CAPN11: variants seen among roughly 807,000 people sequenced by gnomAD.
The protein encoded by CAPN11 is calpain 11.
Under a neutral mutation model 105.3 loss-of-function variants are expected in CAPN11, and 108 were observed. The ratio of observed to expected loss-of-function variants is 1.03; its 90% confidence interval spans 0.88 to 1.20. CAPN11 has a LOEUF of 1.20. Among genes scored for constraint, CAPN11 ranks in the 50% most tolerant of loss-of-function variants. CAPN11 has a pLI of 0.00. For synonymous variants in CAPN11, 329 were observed against 344.5 expected, an observed-to-expected ratio of 0.96 and a Z score of 0.50; for missense variants, 883 against 924.8, an observed-to-expected ratio of 0.95 and a Z score of 0.59.
chr6:44,169,176 C>T, intron 2 of CAPN11, 105 bp from the exon 3 acceptor site: 2 of 1,260,654 alleles, frequency 1.6e-6, no homozygotes, highest in Non-Finnish European at 2.2e-6. Flanking sequence ...TGAAGAGATC[C>T]TCCCACCTCA....
chr6:44,161,771 T>C (rs887931988), intron 1 of CAPN11: 13 of 456,088 alleles, frequency 2.9e-5, no homozygotes, highest in Non-Finnish European at 1.8e-5. Flanking sequence ...AACAACAGCA[T>C]CTTCCCTGGT....
chr6:44,172,966 C>T lies in CAPN11; in HGVS notation c.555C>T (p.Asn185=), dbSNP rs1442005136. 23 of 1,613,152 alleles carry T rather than the reference C, an allele frequency of 1.4e-5. No homozygotes were observed. Among genetic ancestry groups the T allele is most frequent in the East Asian group, 2.2e-5 (1 of 44,878 alleles). Residue 185 remains asparagine, a synonymous_variant, in exon 6 of 23, where the codon AAC becomes AAT. Transcript: ENST00000398776. ...TTTGGCAGTTTGGACAGTGGGTGAA[C>T]GTGGTGGTAGATGACCGGCTGCCCA... ...FQIWQFGQWV[N]VVVDDRLPTK...
chr6:44,160,967 A>C (rs1181890887), intron 1 of CAPN11, among the ~76,000 whole-genome samples: 1 of 152,200 alleles, frequency 6.6e-6, no homozygotes, highest in Non-Finnish European at 1.5e-5. Flanking sequence ...GTATTGATAT[A>C]TACAGGGTTT....
chr6:44,182,252 CCA>C lies in CAPN11; in HGVS notation c.1939-674_1939-673del, dbSNP rs139468500. ...ACACTCACATACAGACACAACCACA[CCA>C]CACACACACACACATACAGACACAA... On this transcript the variant is annotated intron_variant, in intron 19 of 22. Transcript: ENST00000398776. 2.1e-3 allele frequency among the ~76,000 whole-genome samples: 85 copies of C among 41,034 alleles called. 1 individual carries two copies. Among genetic ancestry groups the C allele is most frequent in the African/African-American group, 4.7e-3 (41 of 8,688 alleles). 26.9% of individuals were successfully genotyped at this position (41,034 alleles called of 152,430 possible).
At chr6:44,180,911 C>G in intron 17 of CAPN11, 22 bp from the exon 18 acceptor site, 1 of 1,612,842 alleles carries the variant, frequency 6.2e-7, no homozygotes, top group Non-Finnish European at 8.5e-7. Flanking sequence ...TCTCTCCTTT[C>G]TACCCCTTCC....
intron 19 of CAPN11, among the ~76,000 whole-genome samples, chr6:44,181,962 CACAT>C (rs1315311256): frequency 1.9e-4 from 20 of 102,724 alleles, no homozygotes; most frequent in Non-Finnish European, 2.0e-4. Flanking sequence ...CTCACACACA[CACAT>C]ACACACTCAC....
chr6:44,180,470 G>T lies in CAPN11; in HGVS notation c.1651G>T (p.Glu551Ter), dbSNP rs767701224. The change falls in exon 15 of 23, where the codon GAA becomes TAA. Residue 551 changes from glutamate to a stop codon, truncating the protein, a stop_gained. Coordinates refer to ENST00000398776, the MANE Select transcript of CAPN11 (RefSeq NM_007058.4). LOFTEE classifies it high-confidence loss of function. ...EKHSESWELD[E>*]VNYAEQLQEE... The stretch of plus-strand genomic sequence containing the variant: ...AATCATTTTGCCCAGGGAATTGGAT[G>T]AAGTCAACTATGCTGAGCAACTCCA... 1 of 1,613,698 alleles carries T rather than the reference G, an allele frequency of 6.2e-7. No homozygotes were observed. Among genetic ancestry groups the T allele is most frequent in the African/African-American group, 1.3e-5 (1 of 74,956 alleles).
At chr6:44,159,732 A>AT (rs999722185) in intron 1 of CAPN11, among the ~76,000 whole-genome samples, 46 of 151,064 alleles carry the variant, frequency 3.0e-4, no homozygotes, top group South Asian at 1.0e-3. Context: ...ATTAGTATTT[A>AT]TTTTTTTTTA....
intron 2 of CAPN11, among the ~76,000 whole-genome samples, chr6:44,168,389 C>G (rs909264059): frequency 6.6e-6 from 1 of 152,174 alleles, no homozygotes; most frequent in African/African-American, 2.4e-5. Flanking sequence ...CCTGCCTCAG[C>G]CTCCCGAATA....
chr6:44,169,427 C>G lies in CAPN11; in HGVS notation c.235C>G (p.Leu79Val). The change falls in exon 3 of 23, where the codon CTC (leucine) becomes GTC (valine). Residue 79 changes from leucine (L) to valine (V), a missense_variant. Physicochemically the swap from Leu to Val is conservative, Grantham distance 32. Transcript: ENST00000398776. ...AGCAGCCTGTCTAAGAAAGGGGGAG[C>G]TCTTCGAGGACCCCTTATTCCCTGC... is the stretch of plus-strand genomic sequence containing the variant. ...LRAACLRKGE[L>V]FEDPLFPAEP... 1 of 1,613,530 alleles carries G rather than the reference C, an allele frequency of 6.2e-7. No individual in the cohort carries two copies. Among genetic ancestry groups the G allele is most frequent in the Non-Finnish European group, 8.5e-7 (1 of 1,179,706 alleles).
chr6:44,160,432 G>C (rs753822553), intron 1 of CAPN11, among the ~76,000 whole-genome samples: 1 of 151,892 alleles, frequency 6.6e-6, no homozygotes, highest in Non-Finnish European at 1.5e-5. Context: ...CTTGGCTAAC[G>C]CGGTGAAACC....
intron 1 of CAPN11, among the ~76,000 whole-genome samples, chr6:44,159,243 G>A (rs967342409): frequency 4.6e-5 from 7 of 152,168 alleles, no homozygotes; most frequent in African/African-American, 1.7e-4. Flanking sequence ...AGCCCACGTA[G>A]AGAAGAAAAC....
chr6:44,181,282 G>C lies in CAPN11; in HGVS notation c.1900G>C (p.Glu634Gln), dbSNP rs757625910. ...TGGCTCTGGCAAGCTGGGGCTTCTA[G>C]AGTTCAAGATCCTGTGGAAAAAACT... ...KDGSGKLGLL[E>Q]FKILWKKLKK... Residue 634 changes from glutamate to glutamine, a missense_variant, in exon 19 of 23, where the codon GAG becomes CAG. Coordinates refer to ENST00000398776, the MANE Select transcript of CAPN11 (RefSeq NM_007058.4). The C allele has an allele frequency of 1.2e-6, 2 of 1,613,414 alleles. No individual in the cohort carries two copies. Among genetic ancestry groups the C allele is most frequent in the Non-Finnish European group, 1.7e-6 (2 of 1,179,626 alleles).
At position 44,177,220 on chromosome 6, in the gene CAPN11, C is replaced by T. The variant is rs77048561; in HGVS notation, c.1238-22C>T. The T allele has an allele frequency of 3.8e-3, 5,899 of 1,558,114 alleles. 62 individuals carry two copies. The highest frequency in any genetic ancestry group is 0.023 in the African/African-American group (1,661 of 73,676). ...GCCAAGGGAAGCCCCCGTATAACCA[C>T]GCTGACCCACTTCCGCCACAGGCAC... On this transcript the variant is annotated intron_variant, in intron 11 of 22. Coordinates refer to ENST00000398776, the MANE Select transcript of CAPN11 (RefSeq NM_007058.4).
chr6:44,180,202 C>A, intron 14 of CAPN11, 39 bp downstream of exon 14: 1 of 1,422,164 alleles, frequency 7.0e-7, no homozygotes. Flanking sequence ...GCCCGCCACC[C>A]AAGAGCTGCA....
intron 11 of CAPN11, 43 bp downstream of exon 11, chr6:44,177,041 G>C (rs776033694): frequency 6.3e-7 from 1 of 1,595,632 alleles, no homozygotes; most frequent in Non-Finnish European, 8.5e-7. Flanking sequence ...AGGGAGTGAA[G>C]GATGGGCCAC....
chr6:44,162,740 C>T (rs1561837338), intron 1 of CAPN11, among the ~76,000 whole-genome samples: 2 of 152,154 alleles, frequency 1.3e-5, no homozygotes, highest in Non-Finnish European at 2.9e-5. Flanking sequence ...TCTTTGCGGC[C>T]CATGGAGCTG....
intron 12 of CAPN11, among the ~76,000 whole-genome samples, chr6:44,178,440 AAGAATGTTGTTCAT>A (rs948828175): frequency 3.9e-5 from 6 of 152,120 alleles, no homozygotes; most frequent in African/African-American, 1.4e-4. Flanking sequence ...CATTCTCCAA[AAGAATGTTGTTCAT>A]TCACTTGCAT....
Position 44,183,223 on chromosome 6 carries a change from A to C in CAPN11, c.2122A>C (p.Lys708Gln). The C allele has an allele frequency of 6.2e-7, 1 of 1,609,306 alleles. No homozygotes were observed. The highest frequency in any genetic ancestry group is 8.5e-7 in the Non-Finnish European group (1 of 1,175,624). ...DSFISCFLRL[K>Q]TMFTFFLTMD... ...CTTCATCAGCTGTTTCCTGAGGCTA[A>C]AGACCATGTTCAGTGAGTTAGGCAT... is the stretch of plus-strand genomic sequence containing the variant. The change falls in exon 21 of 23, where the codon AAG (lysine) becomes CAG (glutamine). Residue 708 changes from lysine to glutamine, a missense_variant. Lys to Gln is a moderately conservative substitution (Grantham distance 53). Transcript: ENST00000398776.
Sources: gnomAD v4.1 joint callset for allele counts (sites outside exome capture counted in the v4.1 genomes callset) on GRCh38, gnomAD v4.1.1 for gene constraint, MANE v1.5 for transcripts, NCBI Gene and HGNC (gene_info 2026-07-23, HGNC 2026-07-21) for gene names.